The following VPS13D variants were observed in gnomAD, a reference collection of about 807,000 sequenced individuals.
VPS13D encodes the protein intermembrane lipid transfer protein VPS13D.
VPS13D carries 187 observed loss-of-function variants against 461.9 expected under a neutral mutation model. That is an observed-to-expected ratio of 0.40 (90% CI 0.36 to 0.46). VPS13D has a LOEUF of 0.46. Among genes scored for constraint, VPS13D ranks in the 20% least tolerant of loss-of-function variants. The pLI, the probability that VPS13D is intolerant of heterozygous loss-of-function variation, is 0.60. For synonymous variants in VPS13D, 1,951 were observed against 1,986.3 expected, an observed-to-expected ratio of 0.98 and a Z score of 0.47; for missense variants, 4,711 against 5,364.9, an observed-to-expected ratio of 0.88 and a Z score of 3.81.
At position 12,383,152 on chromosome 1, in the gene VPS13D, C is replaced by T; in HGVS notation, c.11367C>T (p.Leu3789=). ...TCCCAGATGGACCAACTAGAGCACT[C>T]CAGGTGATAATTTGTCATAAGAGCT... ...RVIPDGPTRA[L]QITDFCHRKS... Residue 3789 remains leucine (L), a synonymous_variant, in exon 58 of 70, where the codon CTC becomes CTT. Coordinates refer to ENST00000620676, the MANE Select transcript of VPS13D (RefSeq NM_015378.4). 1 of 1,609,470 alleles carries T rather than the reference C, an allele frequency of 6.2e-7. No individual in the cohort carries two copies. Among genetic ancestry groups the T allele is most frequent in the Non-Finnish European group, 8.5e-7 (1 of 1,178,284 alleles).
intron 54 of VPS13D, among the ~76,000 whole-genome samples, chr1:12,372,514 G>A (rs946472793): frequency 3.3e-5 from 5 of 152,118 alleles, no homozygotes; most frequent in African/African-American, 9.7e-5. Flanking sequence ...ATATTATTTG[G>A]AGAAAGTGTA....
intron 60 of VPS13D, among the ~76,000 whole-genome samples, chr1:12,395,001 A>T (rs1644476283): frequency 6.6e-6 from 1 of 152,098 alleles, no homozygotes; most frequent in African/African-American, 2.4e-5. Context: ...GAACTCAAAC[A>T]GTTCTTTTCG....
chr1:12,469,981 G>A (rs549797149), intron 67 of VPS13D, among the ~76,000 whole-genome samples: 2 of 152,270 alleles, frequency 1.3e-5, no homozygotes, highest in East Asian at 3.9e-4. Context: ...TTCTCCCCTA[G>A]CAAAGTTGCT....
Position 12,335,747 on chromosome 1 carries a change from G to C in VPS13D, c.8471G>C (p.Cys2824Ser). 6.2e-7 allele frequency: 1 copy of C among 1,614,132 alleles called. No homozygotes were observed. The highest frequency in any genetic ancestry group is 8.5e-7 in the Non-Finnish European group (1 of 1,179,992). Residue 2824 changes from cysteine (C) to serine (S), a missense_variant, in exon 39 of 70, where the codon TGT becomes TCT. Cys to Ser is a moderately radical substitution (Grantham distance 112). Transcript: ENST00000620676. ...AAGGAATCGTGGATGGCAGATTACT[G>C]TAAAGATGACAAGGACATAGAGTCA... is the stretch of plus-strand genomic sequence containing the variant. ...STKESWMADY[C>S]KDDKDIESAK... is the part of the protein sequence containing the mutation.
At chr1:12,339,049 C>T (rs1191985005) in intron 40 of VPS13D, among the ~76,000 whole-genome samples, 1 of 151,774 alleles carries the variant, frequency 6.6e-6, no homozygotes, top group Non-Finnish European at 1.5e-5. Context: ...GGAACTCCCT[C>T]TACCAGGAAT....
At chr1:12,341,007 C>T (rs1643556595) in intron 40 of VPS13D, among the ~76,000 whole-genome samples, 1 of 152,206 alleles carries the variant, frequency 6.6e-6, no homozygotes, top group African/African-American at 2.4e-5. Flanking sequence ...ACCAGAAAGC[C>T]TGCTTTGGGT....
chr1:12,347,242 C>T (rs1290279367), intron 44 of VPS13D, among the ~76,000 whole-genome samples: 2 of 152,048 alleles, frequency 1.3e-5, no homozygotes, highest in African/African-American at 4.8e-5. Flanking sequence ...GCCGTCTCAG[C>T]TCACTGCAAC....
Position 12,288,209 on chromosome 1 carries a change from T to C in VPS13D, c.5635-14T>C, listed in dbSNP as rs201222818. ...CCAGTAATATTGGCCTTGCTTTATCTTGTCTGTTCCTAGGTTCATTCACTT... is the reference window on the plus strand; with the variant it reads ...CCAGTAATATTGGCCTTGCTTTATCCTGTCTGTTCCTAGGTTCATTCACTT... On this transcript the variant is annotated splice_polypyrimidine_tract_variant and intron_variant, in intron 21 of 69. Coordinates refer to ENST00000620676, the MANE Select transcript of VPS13D (RefSeq NM_015378.4). The C allele has an allele frequency of 1.1e-5, 17 of 1,605,370 alleles. No homozygotes were observed. Among genetic ancestry groups the C allele is most frequent in the Non-Finnish European group, 1.4e-5 (17 of 1,173,276 alleles).
At position 12,460,379 on chromosome 1, in the gene VPS13D, C is replaced by A; in HGVS notation, c.12645C>A (p.Ala4215=). 6.2e-7 allele frequency: 1 copy of A among 1,602,946 alleles called. No individual in the cohort carries two copies. The highest frequency in any genetic ancestry group is 8.5e-7 in the Non-Finnish European group (1 of 1,174,234). The change falls in exon 67 of 70, where the codon GCC becomes GCA. Residue 4215 remains alanine, a synonymous_variant. Transcript: ENST00000620676. ...SETAQAVRDT[A]TLSGPRTQAQ... ...CAGCCCAGGCGGTGAGAGACACAGC[C>A]ACACTCAGCGGCCCCAGGTCAGTGG... is the stretch of plus-strand genomic sequence containing the variant.
In VPS13D at chr1:12,240,509, C is replaced by T. The variant is rs533200012; in HGVS notation, c.98-2004C>T. Among the ~76,000 whole-genome samples, 799 of 147,944 alleles carry T rather than the reference C, an allele frequency of 5.4e-3. 6 individuals carry two copies. The highest frequency in any genetic ancestry group is 0.018 in the African/African-American group (723 of 39,926). ...ACTCGGGAGGCTGAGACTGGAGAAT[C>T]GCTTGAACCCAGGAGGCGGAGTTTG... is the stretch of plus-strand genomic sequence containing the variant. On this transcript the variant is annotated intron_variant, in intron 2 of 69. Coordinates refer to ENST00000620676, the MANE Select transcript of VPS13D (RefSeq NM_015378.4).
At position 12,261,949 on chromosome 1, in the gene VPS13D, C is replaced by T. The variant is rs980146059; in HGVS notation, c.1463C>T (p.Thr488Met). Residue 488 changes from threonine to methionine, a missense_variant, in exon 13 of 70, where the codon ACG becomes ATG. This residue lies in a region of VPS13D where 4,411 missense variants were observed against 4,937.8 expected (regional missense o/e 0.89). Coordinates refer to ENST00000620676, the MANE Select transcript of VPS13D (RefSeq NM_015378.4). ...ACTGCAGATGCCTCGTGTATGAACA[C>T]GTATACAAAGCGAGATCATGTCTTT... ...DPTADASCMN[T>M]YTKRDHVFAK... The T allele has an allele frequency of 6.2e-6, 10 of 1,613,978 alleles. No individual in the cohort carries two copies. Among genetic ancestry groups the T allele is most frequent in the African/African-American group, 2.7e-5 (2 of 74,900 alleles).
chr1:12,360,450 A>G (rs945456624), intron 50 of VPS13D, among the ~76,000 whole-genome samples: 2 of 152,216 alleles, frequency 1.3e-5, no homozygotes, highest in African/African-American at 2.4e-5. Flanking sequence ...TTGATTTATC[A>G]GGGGTTTCCC....
chr1:12,231,655 G>A (rs1639976794), intron 1 of VPS13D, among the ~76,000 whole-genome samples: 1 of 152,164 alleles, frequency 6.6e-6, no homozygotes, highest in Admixed American at 6.6e-5. Flanking sequence ...AGTAAGATTA[G>A]TCAGTTTCAC....
chr1:12,512,034 G>T lies in VPS13D; in HGVS notation c.*3010G>T, dbSNP rs1052990407. The T allele has an allele frequency of 6.6e-6, 1 of 152,186 alleles. No homozygotes were observed. The highest frequency in any genetic ancestry group is 2.4e-5 in the African/African-American group (1 of 41,432). The allele number at this position is 152,186 out of a possible 1,614,324, so 9.4% of individuals were successfully genotyped here. On this transcript the variant is annotated 3_prime_UTR_variant, in exon 70 of 70. Coordinates refer to ENST00000620676, the MANE Select transcript of VPS13D (RefSeq NM_015378.4). The stretch of plus-strand genomic sequence containing the variant: ...TTCTTCCTGTGGAATAAAATGCCTT[G>T]TGGACTTCCCAAACTTGTTCTTTTG...
At chr1:12,334,836 C>T (rs2101562586) in intron 38 of VPS13D, among the ~76,000 whole-genome samples, 1 of 152,116 alleles carries the variant, frequency 6.6e-6, no homozygotes, top group South Asian at 2.1e-4. Flanking sequence ...TTGTTTTTTT[C>T]ACCTTCAATT....
chr1:12,474,894 C>A (rs533921773), intron 67 of VPS13D, among the ~76,000 whole-genome samples: 1 of 152,118 alleles, frequency 6.6e-6, no homozygotes, highest in Non-Finnish European at 1.5e-5. Context: ...ATAAGTACAA[C>A]GCACTGTAGT....
chr1:12,256,524 G>A (rs775500688), intron 8 of VPS13D, 21 bp downstream of exon 8: 2 of 1,611,616 alleles, frequency 1.2e-6, no homozygotes, highest in East Asian at 2.2e-5. Context: ...TCTTCTCAGT[G>A]GCATCTACTT....
intron 32 of VPS13D, among the ~76,000 whole-genome samples, 191 bp downstream of exon 32, chr1:12,319,821 G>T (rs1054010298): frequency 6.6e-6 from 1 of 152,338 alleles, no homozygotes; most frequent in East Asian, 1.9e-4. Context: ...CAGTCTCCCA[G>T]TGTTAGTCTA....
At chr1:12,345,551 G>C in intron 43 of VPS13D, 42 bp downstream of exon 43, 1 of 1,587,964 alleles carries the variant, frequency 6.3e-7, no homozygotes, top group Non-Finnish European at 8.6e-7. Context: ...GCGACTGTCA[G>C]GAAGTCAGAT....
Sources: gnomAD v4.1 joint callset for allele counts (sites outside exome capture counted in the v4.1 genomes callset) on GRCh38, gnomAD v4.1.1 for gene constraint, gnomAD v4.1.1 regional missense constraint, MANE v1.5 for transcripts, NCBI Gene and HGNC (gene_info 2026-07-23, HGNC 2026-07-21) for gene names.